The following DLGAP2 variants were observed in gnomAD, a reference collection of about 807,000 sequenced individuals.
The protein encoded by DLGAP2 is disks large-associated protein 2.
A neutral mutation model predicts 100.3 loss-of-function variants in DLGAP2; 26 were observed. That is an observed-to-expected ratio of 0.26 (90% CI 0.19 to 0.36). The LOEUF is 0.36. Ranked by LOEUF, DLGAP2 falls within the 10% of genes least tolerant of loss-of-function variation. The pLI is 1.00. For missense variants in DLGAP2, 1,858 were observed against 1,453.2 expected, an observed-to-expected ratio of 1.28 and a Z score of -4.53; for synonymous variants, 886 against 630.1, an observed-to-expected ratio of 1.41 and a Z score of -6.08.
At chr8:1,434,052 C>T (rs1584897727) in intron 3 of DLGAP2, among the ~76,000 whole-genome samples, 1 of 152,116 alleles carries the variant, frequency 6.6e-6, no homozygotes, top group African/African-American at 2.4e-5. Context: ...TTTGCGAAGT[C>T]CCAGAAATGG....
chr8:1,352,751 C>A (rs1310027167), intron 3 of DLGAP2, among the ~76,000 whole-genome samples: 1 of 152,254 alleles, frequency 6.6e-6, no homozygotes, highest in African/African-American at 2.4e-5. Flanking sequence ...ATGCATTTCT[C>A]CTGCCTTTCT....
At chr8:1,699,096 C>T (rs530485381) in intron 14 of DLGAP2, among the ~76,000 whole-genome samples, 2 of 152,352 alleles carry the variant, frequency 1.3e-5, no homozygotes, top group African/African-American at 4.8e-5. Context: ...GCTGTTCAAA[C>T]GGAACGTACT....
intron 3 of DLGAP2, among the ~76,000 whole-genome samples, chr8:1,414,748 T>G (rs1796831437): frequency 1.3e-5 from 2 of 152,196 alleles, no homozygotes; most frequent in African/African-American, 4.8e-5. Context: ...GTGGTGCATG[T>G]CTGTAATCCC....
At chr8:865,616 G>A (rs140601080) in intron 1 of DLGAP2, among the ~76,000 whole-genome samples, 16 of 152,196 alleles carry the variant, frequency 1.1e-4, no homozygotes, top group African/African-American at 3.1e-4. Flanking sequence ...ATGCACTTCC[G>A]TGGCATTTAC....
chr8:1,250,892 T>C (rs1799024738), intron 2 of DLGAP2, among the ~76,000 whole-genome samples: 1 of 152,216 alleles, frequency 6.6e-6, no homozygotes, highest in South Asian at 2.1e-4. Flanking sequence ...AACGTGCCCT[T>C]AGGCGGCTTT....
At chr8:1,315,853 G>A (rs369732585) in intron 3 of DLGAP2, among the ~76,000 whole-genome samples, 102 of 108,510 alleles carry the variant, frequency 9.4e-4, no homozygotes, top group South Asian at 1.4e-3. Flanking sequence ...TAGAGCCTGT[G>A]CGAGTGCAGC....
rs573265398 is a variant in DLGAP2 at position 921,711 on chromosome 8, G to A, written c.73+13745G>A. On this transcript the variant is annotated intron_variant, in intron 2 of 14. Coordinates refer to ENST00000637795, the MANE Select transcript of DLGAP2 (RefSeq NM_001346810.2). ...CCACCCAGCCATCCTCCACCCAGGT[G>A]GCTGCGCTGCTCAGAGCAGGCTTCC... Among the ~76,000 whole-genome samples, 192 of 152,378 alleles carry A rather than the reference G, an allele frequency of 1.3e-3. 2 individuals are homozygous for A. Among genetic ancestry groups the A allele is most frequent in the African/African-American group, 4.4e-3 (181 of 41,584 alleles).
intron 1 of DLGAP2, among the ~76,000 whole-genome samples, chr8:889,248 A>G (rs539741564): frequency 2.6e-5 from 4 of 152,332 alleles, no homozygotes; most frequent in Admixed American, 2.6e-4. Context: ...TGCAGGTCAC[A>G]GGGGATATGA....
At chr8:1,228,714 A>T (rs1310126250) in intron 2 of DLGAP2, among the ~76,000 whole-genome samples, 1 of 152,246 alleles carries the variant, frequency 6.6e-6, no homozygotes, top group Non-Finnish European at 1.5e-5. Context: ...GGTGCAGAAG[A>T]AGTATTTGAC....
chr8:1,475,870 T>C (rs373927253), intron 3 of DLGAP2, among the ~76,000 whole-genome samples: 13 of 152,324 alleles, frequency 8.5e-5, no homozygotes, highest in East Asian at 5.8e-4. Flanking sequence ...CATTTCTTGT[T>C]TTTTTCTCTC....
At chr8:1,534,772 G>A (rs1030141593) in intron 4 of DLGAP2, among the ~76,000 whole-genome samples, 4 of 79,872 alleles carry the variant, frequency 5.0e-5, no homozygotes, top group African/African-American at 3.8e-4. Context: ...ATGTGTGTGA[G>A]TGCACGTGTA....
intron 2 of DLGAP2, among the ~76,000 whole-genome samples, chr8:982,457 T>C (rs2129014684): frequency 6.6e-6 from 1 of 152,374 alleles, no homozygotes; most frequent in African/African-American, 2.4e-5. Context: ...GTGACTTCTC[T>C]GTGCCTAGAC....
At chr8:1,167,629 G>T (rs1316872202) in intron 2 of DLGAP2, among the ~76,000 whole-genome samples, 10 of 152,128 alleles carry the variant, frequency 6.6e-5, no homozygotes, top group East Asian at 1.9e-4. Context: ...ATTTAACCTT[G>T]TTTTAATGTT....
At chr8:889,948 T>C (rs532758037) in intron 1 of DLGAP2, among the ~76,000 whole-genome samples, 16 of 152,214 alleles carry the variant, frequency 1.1e-4, no homozygotes, top group African/African-American at 2.9e-4. Context: ...AAAAGCAAAG[T>C]TTCCCCCGCT....
chr8:1,385,951 A>C (rs950234542), intron 3 of DLGAP2, among the ~76,000 whole-genome samples: 1 of 152,280 alleles, frequency 6.6e-6, no homozygotes, highest in African/African-American at 2.4e-5. Flanking sequence ...AGCAGCACCC[A>C]CAGTCCTAAT....
chr8:972,909 G>C (rs149729236), intron 2 of DLGAP2, among the ~76,000 whole-genome samples: 3,398 of 152,222 alleles, frequency 0.022, 124 homozygotes, highest in African/African-American at 0.076. Flanking sequence ...GGACACAGCA[G>C]ATGTTTCAGA....
At chr8:1,150,388 C>G (rs938184632) in intron 2 of DLGAP2, among the ~76,000 whole-genome samples, 3 of 152,164 alleles carry the variant, frequency 2.0e-5, no homozygotes, top group Non-Finnish European at 4.4e-5. Flanking sequence ...ATAATATTTT[C>G]TCTTTGCCTT....
At chr8:1,588,640 G>C (rs906997251) in intron 6 of DLGAP2, among the ~76,000 whole-genome samples, 1 of 150,452 alleles carries the variant, frequency 6.6e-6, no homozygotes, top group African/African-American at 2.4e-5. Flanking sequence ...TGTGGCTCAG[G>C]CCTGTAATCC....
intron 3 of DLGAP2, among the ~76,000 whole-genome samples, chr8:1,356,471 G>C (rs1801853827): frequency 6.6e-6 from 1 of 152,192 alleles, no homozygotes; most frequent in Non-Finnish European, 1.5e-5. Flanking sequence ...GCGTCTCCAG[G>C]GCTGCGGACT....
Sources: gnomAD v4.1 joint callset for allele counts (sites outside exome capture counted in the v4.1 genomes callset) on GRCh38, gnomAD v4.1.1 for gene constraint, MANE v1.5 for transcripts, NCBI Gene and HGNC (gene_info 2026-07-23, HGNC 2026-07-21) for gene names.